The following TDRP variants were observed in gnomAD, a reference collection of about 807,000 sequenced individuals.
TDRP encodes testis development related protein.
A neutral mutation model predicts 10.5 loss-of-function variants in TDRP; 12 were observed. The ratio of observed to expected loss-of-function variants is 1.15; its 90% CI spans 0.73 to 1.86. TDRP has a LOEUF of 1.86. Ranked by LOEUF, TDRP falls within the 40% of genes most tolerant of loss-of-function variation. The pLI is 0.00. For synonymous variants in TDRP, 139 were observed against 95.4 expected, an observed-to-expected ratio of 1.46 and a Z score of -2.67; for missense variants, 353 against 229.2, an observed-to-expected ratio of 1.54 and a Z score of -3.49.
intron 1 of TDRP, among the ~76,000 whole-genome samples, chr8:520,165 T>C (rs1337594387): frequency 6.6e-6 from 1 of 152,230 alleles, no homozygotes; most frequent in Non-Finnish European, 1.5e-5. Context: ...CTCAGTTACA[T>C]GACTACTTTC....
chr8:523,350 T>C (rs1291135541), intron 1 of TDRP, among the ~76,000 whole-genome samples: 5 of 152,182 alleles, frequency 3.3e-5, no homozygotes, highest in African/African-American at 4.8e-5. Flanking sequence ...TGGAGTAAGA[T>C]GGCTGAATGG....
intron 1 of TDRP, among the ~76,000 whole-genome samples, chr8:534,422 C>T (rs1007556090): frequency 1.3e-5 from 2 of 152,182 alleles, no homozygotes; most frequent in African/African-American, 4.8e-5. Flanking sequence ...AAGATGCCTG[C>T]TTTAATACCT....
intron 1 of TDRP, among the ~76,000 whole-genome samples, chr8:506,121 A>G (rs1801458819): frequency 6.6e-6 from 1 of 152,176 alleles, no homozygotes; most frequent in African/African-American, 2.4e-5. Context: ...TTTTTTCAAG[A>G]AACGAATACT....
chr8:533,365 G>C (rs1373789488), intron 1 of TDRP, among the ~76,000 whole-genome samples: 1 of 152,082 alleles, frequency 6.6e-6, no homozygotes, highest in Non-Finnish European at 1.5e-5. Context: ...CGACTGTCAG[G>C]GCACGCCCTT....
chr8:523,852 C>T (rs1167217797), intron 1 of TDRP, among the ~76,000 whole-genome samples: 1 of 152,212 alleles, frequency 6.6e-6, no homozygotes, highest in African/African-American at 2.4e-5. Flanking sequence ...TCCCTAGATA[C>T]ATCCAGGGAC....
chr8:541,052 C>T (rs972116256), intron 1 of TDRP, among the ~76,000 whole-genome samples: 1 of 152,138 alleles, frequency 6.6e-6, no homozygotes, highest in Non-Finnish European at 1.5e-5. Context: ...ATATTAATTC[C>T]TACTTCTCTC....
chr8:527,136 A>G (rs564555317), intron 1 of TDRP, among the ~76,000 whole-genome samples: 2 of 152,292 alleles, frequency 1.3e-5, no homozygotes, highest in African/African-American at 4.8e-5. Flanking sequence ...TCTATACACC[A>G]AAAGCAGACA....
intron 1 of TDRP, among the ~76,000 whole-genome samples, chr8:539,797 G>A (rs755017252): frequency 1.2e-4 from 19 of 152,064 alleles, no homozygotes; most frequent in African/African-American, 2.4e-4. Context: ...TAAAGCAAAC[G>A]TCACAGAGCC....
intron 1 of TDRP, among the ~76,000 whole-genome samples, chr8:500,908 T>A (rs1181474477): frequency 2.0e-5 from 3 of 152,172 alleles, no homozygotes; most frequent in Non-Finnish European, 4.4e-5. Flanking sequence ...GCAAGAGGGT[T>A]AACAAGAACA....
chr8:516,208 C>T (rs1036305863), intron 1 of TDRP, among the ~76,000 whole-genome samples: 31 of 152,286 alleles, frequency 2.0e-4, no homozygotes, highest in African/African-American at 7.2e-4. Flanking sequence ...AGGAGGTTCA[C>T]ATCTAACCTA....
At chr8:521,718 A>G (rs376912124) in intron 1 of TDRP, among the ~76,000 whole-genome samples, 1 of 152,044 alleles carries the variant, frequency 6.6e-6, no homozygotes, top group East Asian at 1.9e-4. Context: ...TGTTTTAGCT[A>G]TTCAGGTCAT....
At chr8:530,366 G>C (rs999027334) in intron 1 of TDRP, among the ~76,000 whole-genome samples, 2 of 152,014 alleles carry the variant, frequency 1.3e-5, no homozygotes, top group Non-Finnish European at 2.9e-5. Flanking sequence ...TCAAATTCTG[G>C]AGATTTATTT....
At chr8:544,509 G>A (rs998648083) in intron 1 of TDRP, 141 bp downstream of exon 1, 2 of 480,240 alleles carry the variant, frequency 4.2e-6, no homozygotes, top group Non-Finnish European at 6.6e-6. Context: ...GCCGCGCCCC[G>A]GAGCTACGCG....
intron 1 of TDRP, among the ~76,000 whole-genome samples, chr8:503,536 C>A (rs960594372): frequency 1.4e-5 from 2 of 144,458 alleles, no homozygotes; most frequent in African/African-American, 2.7e-5. Context: ...GAGCAGCACA[C>A]TGGAACCAAT....
rs1042145612 is a variant in TDRP, at chr8:532,730, T to TAA, written c.108+11918_108+11919dup. ...ACAAATTCTGTATCACAAACTCTAA[T>TAA]AAGTTACCTTACAGTCAGAAGAGAT... On this transcript the variant is annotated intron_variant, in intron 1 of 2. Transcript: ENST00000324079. Among the ~76,000 whole-genome samples, 31 of 152,324 alleles carry TAA rather than the reference T, an allele frequency of 2.0e-4. No homozygotes were observed. In the East Asian group the frequency reaches 5.0e-3, roughly 25 times the overall value.
rs189626521 is a variant in TDRP at position 528,533 on chromosome 8, C to A, written c.108+16117G>T. 1.7e-3 allele frequency among the ~76,000 whole-genome samples: 255 copies of A among 149,788 alleles called. 15 individuals are homozygous for A. The highest frequency in any genetic ancestry group is 3.2e-3 in the Admixed American group (47 of 14,756). On this transcript the variant is annotated intron_variant, in intron 1 of 2. Coordinates refer to ENST00000324079, the MANE Select transcript of TDRP (RefSeq NM_001384899.1). ...CTAAGTATCCATCAACATCAACATA[C>A]AAAAATATAGTTAGCATAAGATCTG...
At chr8:512,272 AC>A (rs71525341) in intron 1 of TDRP, among the ~76,000 whole-genome samples, 51,924 of 147,662 alleles carry the variant, frequency 0.35, 9,493 homozygotes, top group Middle Eastern at 0.43. Flanking sequence ...AACAACAACA[AC>A]AAAAAAAAAA....
chr8:518,611 T>C (rs1011548140), intron 1 of TDRP, among the ~76,000 whole-genome samples: 3 of 138,698 alleles, frequency 2.2e-5, no homozygotes, highest in African/African-American at 7.8e-5. Flanking sequence ...GATCTTTTCT[T>C]CACAGCAAAG....
At chr8:533,460 G>C (rs1406850309) in intron 1 of TDRP, among the ~76,000 whole-genome samples, 5 of 152,104 alleles carry the variant, frequency 3.3e-5, no homozygotes, top group African/African-American at 1.2e-4. Context: ...ACTCTGATCA[G>C]CACTCTTTGG....
Sources: gnomAD v4.1 joint callset for allele counts (sites outside exome capture counted in the v4.1 genomes callset) on GRCh38, gnomAD v4.1.1 for gene constraint, MANE v1.5 for transcripts, NCBI Gene and HGNC (gene_info 2026-07-23, HGNC 2026-07-21) for gene names.